LRP6: variants seen among roughly 807,000 people sequenced by gnomAD.
The protein encoded by LRP6 is low-density lipoprotein receptor-related protein 6.
In LRP6, 43 loss-of-function variants were observed where a neutral mutation model predicts 184.1. The observed-to-expected ratio is 0.23, with a 90% CI of 0.18 to 0.30. The LOEUF is 0.30. LRP6 is among the 10% of genes least tolerant of loss of function. LRP6 has a pLI of 1.00. For synonymous variants in LRP6, 719 were observed against 684.9 expected (o/e 1.05, Z -0.78); for missense variants, 1,571 against 2,005.3 (o/e 0.78, Z 4.14).
At chr12:12,136,758 T>C (rs1419040498) in intron 16 of LRP6, among the ~76,000 whole-genome samples, 1 of 152,228 alleles carries the variant, frequency 6.6e-6, no homozygotes, top group Non-Finnish European at 1.5e-5. Flanking sequence ...ATATAGAATA[T>C]ACAGTCTATG....
chr12:12,266,091 CA>C lies in LRP6; in HGVS notation c.55+589del, dbSNP rs1865749797. Among the ~76,000 whole-genome samples the C allele has an allele frequency of 2.6e-5, 4 of 152,258 alleles. No homozygotes were observed. The South Asian group carries it at 8.3e-4, about 32-fold the overall frequency. On this transcript the variant is annotated intron_variant, in intron 1 of 22. Coordinates refer to ENST00000261349, the MANE Select transcript of LRP6 (RefSeq NM_002336.3). ...TATGGGCTGAAGCTCAGAAGGCTCC[CA>C]ATGCTGAAACGCTCGACCTATAACC...
chr12:12,199,991 A>C lies in LRP6; in HGVS notation c.647+3212T>G, dbSNP rs542106718. The stretch of plus-strand genomic sequence containing the variant: ...AAAAAAAAAAAAAAAAAAAAAAAAA[A>C]AAAACACAAGGCTCTTCTCATCCAG... On this transcript the variant is annotated intron_variant, in intron 3 of 22. Coordinates refer to ENST00000261349, the MANE Select transcript of LRP6 (RefSeq NM_002336.3). 2.7e-3 allele frequency among the ~76,000 whole-genome samples: 409 copies of C among 148,918 alleles called. 1 individual carries two copies. Among genetic ancestry groups the C allele is most frequent in the African/African-American group, 9.6e-3 (387 of 40,360 alleles).
At chr12:12,127,070 A>C (rs1238801880) in intron 19 of LRP6, 149 bp from the exon 20 acceptor site, 2 of 697,638 alleles carry the variant, frequency 2.9e-6, no homozygotes, top group East Asian at 5.4e-5. Context: ...GAGTACATAC[A>C]TACCACGCCC....
chr12:12,193,677 A>G (rs568842492), intron 3 of LRP6, among the ~76,000 whole-genome samples: 1 of 152,182 alleles, frequency 6.6e-6, no homozygotes, highest in East Asian at 1.9e-4. Context: ...ACTAAAACTG[A>G]CTCAAGAAGA....
At chr12:12,183,207 C>CT (rs1405080346) in intron 5 of LRP6, among the ~76,000 whole-genome samples, 11 of 152,188 alleles carry the variant, frequency 7.2e-5, no homozygotes. Context: ...CAGGCTTCTG[C>CT]TTTTCAGAGT....
chr12:12,138,022 T>C (rs548012926), intron 16 of LRP6, among the ~76,000 whole-genome samples: 7 of 150,666 alleles, frequency 4.6e-5, no homozygotes, highest in Non-Finnish European at 8.9e-5. Flanking sequence ...AAAAAAAAAA[T>C]TAGCGAGGCA....
At chr12:12,203,912 T>C (rs2137044276) in intron 2 of LRP6, among the ~76,000 whole-genome samples, 1 of 152,330 alleles carries the variant, frequency 6.6e-6, no homozygotes, top group East Asian at 1.9e-4. Context: ...CATCAAGGAT[T>C]CAAAAACCAC....
At chr12:12,264,029 G>T (rs1441093411) in intron 1 of LRP6, among the ~76,000 whole-genome samples, 1 of 151,938 alleles carries the variant, frequency 6.6e-6, no homozygotes, top group East Asian at 1.9e-4. Flanking sequence ...ATAGTTCAGA[G>T]CTTTGGGAGG....
Position 12,165,091 on chromosome 12 carries a change from G to C in LRP6, c.1750C>G (p.His584Asp), listed in dbSNP as rs756283420. The C allele has an allele frequency of 6.2e-7, 1 of 1,613,320 alleles. No homozygotes were observed. Among genetic ancestry groups the C allele is most frequent in the Non-Finnish European group, 8.5e-7 (1 of 1,179,512 alleles). The change falls in exon 8 of 23, where the codon CAT becomes GAT. Residue 584 changes from histidine (H) to aspartate (D), a missense_variant. Physicochemically the swap from His to Asp is moderately conservative, Grantham distance 81. Transcript: ENST00000261349. ...DLMGLKATNV[H>D]RVIGSNPCAE... is the part of the protein sequence containing the mutation. ...TGGAGTTACTCACCAATCACTCGAT[G>C]AACATTTGTAGCCTTTAGGCCCATG...
In LRP6 at chr12:12,149,087, T is replaced by C; in HGVS notation, c.3061A>G (p.Ile1021Val). 6.2e-7 allele frequency: 1 copy of C among 1,614,022 alleles called. No individual in the cohort carries two copies. The highest frequency in any genetic ancestry group is 8.5e-7 in the Non-Finnish European group (1 of 1,179,998). Residue 1021 changes from isoleucine to valine, a missense_variant, in exon 14 of 23, where the codon ATT (isoleucine) becomes GTT (valine). This residue lies in a region of LRP6 where 763 missense variants were observed against 859.5 expected (regional missense o/e 0.89). Coordinates refer to ENST00000261349, the MANE Select transcript of LRP6 (RefSeq NM_002336.3). ...NLEIQPYDLS[I>V]DIYSRYIYWT... ...TAGATGTAGCGGCTGTAAATATCAA[T>C]GCTGAGGTCATAGGGTTGTATTTCC...
intron 1 of LRP6, among the ~76,000 whole-genome samples, chr12:12,250,462 T>C (rs1335919488): frequency 6.6e-6 from 1 of 151,814 alleles, no homozygotes; most frequent in Non-Finnish European, 1.5e-5. Context: ...TCCTTAGTCT[T>C]TAGTACTTAC....
At chr12:12,175,116 T>TGGTGGCTC (rs1361054187) in intron 7 of LRP6, among the ~76,000 whole-genome samples, 2 of 151,998 alleles carry the variant, frequency 1.3e-5, no homozygotes, top group African/African-American at 4.8e-5. Flanking sequence ...AGGTCGGGCA[T>TGGTGGCTC]GGTGGCTCAA....
chr12:12,178,820 T>C (rs1009577435), intron 7 of LRP6, among the ~76,000 whole-genome samples: 1 of 152,186 alleles, frequency 6.6e-6, no homozygotes, highest in Non-Finnish European at 1.5e-5. Context: ...CCTGGTGGAA[T>C]ACTAACGGGG....
intron 1 of LRP6, chr12:12,248,955 A>C (rs1439699761): frequency 2.1e-6 from 1 of 471,478 alleles, no homozygotes; most frequent in Non-Finnish European, 3.8e-6. Context: ...GACAGAGTAT[A>C]AAAAATTAAA....
chr12:12,183,586 T>C (rs1013304500), intron 5 of LRP6, among the ~76,000 whole-genome samples: 3 of 152,236 alleles, frequency 2.0e-5, no homozygotes, highest in African/African-American at 7.2e-5. Flanking sequence ...TATCTCATGA[T>C]ATTCTTTGTA....
intron 7 of LRP6, among the ~76,000 whole-genome samples, chr12:12,179,369 G>GATATAGAT (rs1565607758): frequency 4.0e-4 from 19 of 47,176 alleles, no homozygotes; most frequent in African/African-American, 9.5e-4. Flanking sequence ...AAAAGATATA[G>GATATAGAT]ATATAGATAT....
chr12:12,202,846 C>G (rs950936025), intron 3 of LRP6, among the ~76,000 whole-genome samples: 2 of 152,152 alleles, frequency 1.3e-5, no homozygotes, highest in African/African-American at 4.8e-5. Context: ...ACCTCCCCTC[C>G]ACCACCGGAA....
At position 12,187,131 on chromosome 12, in the gene LRP6, A is replaced by C. The variant is rs765224777; in HGVS notation, c.648-12T>G. 1.2e-6 allele frequency: 2 copies of C among 1,612,284 alleles called. No individual in the cohort carries two copies. The highest frequency in any genetic ancestry group is 1.7e-6 in the Non-Finnish European group (2 of 1,178,686). On this transcript the variant is annotated splice_polypyrimidine_tract_variant and intron_variant, in intron 3 of 22. Transcript: ENST00000261349. ...TAACCACTGCCTGCCTATTAACATA[A>C]AGAGAAAAATTTAAACTTATTTCTA... is the stretch of plus-strand genomic sequence containing the variant.
intron 1 of LRP6, chr12:12,249,369 T>C: frequency 5.8e-6 from 6 of 1,036,574 alleles, no homozygotes; most frequent in Non-Finnish European, 3.0e-6. Flanking sequence ...TGGCGCCTAA[T>C]GGTGTCTAAA....
Sources: allele counts gnomAD v4.1 joint callset (sites outside exome capture counted in the v4.1 genomes callset), GRCh38; gene constraint gnomAD v4.1.1; regional missense constraint gnomAD v4.1.1; transcripts MANE v1.5; gene names NCBI Gene and HGNC (gene_info 2026-07-23, HGNC 2026-07-21).